BMPR1A: variants seen among roughly 807,000 people sequenced by gnomAD.
BMPR1A encodes the protein bone morphogenetic protein receptor type 1A.
A neutral mutation model predicts 66.0 loss-of-function variants in BMPR1A; 7 were observed. That is an observed-to-expected ratio of 0.11 (90% CI 0.06 to 0.20). The LOEUF is 0.20. Ranked by LOEUF, BMPR1A falls within the 10% of genes least tolerant of loss-of-function variation. The pLI is 1.00. For missense variants in BMPR1A, 408 were observed against 669.1 expected, an observed-to-expected ratio of 0.61 and a Z score of 4.31; for synonymous variants, 200 against 229.7, an observed-to-expected ratio of 0.87 and a Z score of 1.17.
chr10:86,763,371 A>G (rs1431354877), intron 1 of BMPR1A, among the ~76,000 whole-genome samples: 1 of 152,220 alleles, frequency 6.6e-6, no homozygotes, highest in East Asian at 1.9e-4. Context: ...CTGAGTACCT[A>G]TTCAATCACG....
intron 5 of BMPR1A, among the ~76,000 whole-genome samples, chr10:86,895,592 T>C (rs1843214222): frequency 6.6e-6 from 1 of 152,110 alleles, no homozygotes. Flanking sequence ...GTGATCATCA[T>C]CTTGCTTATG....
At chr10:86,796,004 T>C (rs1010278355) in intron 1 of BMPR1A, among the ~76,000 whole-genome samples, 4 of 152,146 alleles carry the variant, frequency 2.6e-5, no homozygotes, top group Non-Finnish European at 5.9e-5. Flanking sequence ...AAGGTAGTGG[T>C]AAAAAGTCCC....
intron 1 of BMPR1A, among the ~76,000 whole-genome samples, 191 bp downstream of exon 1, chr10:86,757,110 C>T (rs1847884534): frequency 6.6e-6 from 1 of 151,506 alleles, no homozygotes; most frequent in African/African-American, 2.4e-5. Flanking sequence ...CCCACGGCAC[C>T]CCGCGCCGCG....
At chr10:86,848,176 C>CT (rs1442658502) in intron 2 of BMPR1A, among the ~76,000 whole-genome samples, 1 of 152,174 alleles carries the variant, frequency 6.6e-6, no homozygotes, top group Non-Finnish European at 1.5e-5. Context: ...CAAGGCCGAA[C>CT]TGCCTTGGCC....
intron 7 of BMPR1A, among the ~76,000 whole-genome samples, chr10:86,908,140 GT>G (rs1240821329): frequency 6.6e-6 from 1 of 152,104 alleles, no homozygotes; most frequent in Non-Finnish European, 1.5e-5. Context: ...GGAGGCGGAG[GT>G]TGCAGTGAGC....
chr10:86,917,557 A>G (rs1045254537), intron 9 of BMPR1A, among the ~76,000 whole-genome samples: 2 of 152,220 alleles, frequency 1.3e-5, no homozygotes, highest in African/African-American at 4.8e-5. Flanking sequence ...AAATAATACT[A>G]GTTTATTGGA....
At chr10:86,907,747 G>T (rs143842194) in intron 7 of BMPR1A, among the ~76,000 whole-genome samples, 1 of 152,154 alleles carries the variant, frequency 6.6e-6, no homozygotes, top group African/African-American at 2.4e-5. Flanking sequence ...TCAATCATAC[G>T]TGGGAGCTAA....
chr10:86,844,622 A>G (rs1182130320), intron 2 of BMPR1A, among the ~76,000 whole-genome samples: 1 of 152,236 alleles, frequency 6.6e-6, no homozygotes, highest in East Asian at 1.9e-4. Flanking sequence ...CAATATTTAG[A>G]AACAGTCTAA....
intron 3 of BMPR1A, among the ~76,000 whole-genome samples, chr10:86,883,501 GATCACGCCACT>G (rs1843021300): frequency 4.5e-5 from 6 of 133,202 alleles, no homozygotes; most frequent in Non-Finnish European, 9.2e-5. Context: ...AGTGAGCCGA[GATCACGCCACT>G]GCACTCTAGC....
At chr10:86,806,779 G>A (rs1841894061) in intron 1 of BMPR1A, among the ~76,000 whole-genome samples, 1 of 151,786 alleles carries the variant, frequency 6.6e-6, no homozygotes, top group African/African-American at 2.4e-5. Flanking sequence ...GATACTCCTG[G>A]GCTCAAGGGA....
intron 1 of BMPR1A, among the ~76,000 whole-genome samples, chr10:86,831,216 T>C (rs1339243995): frequency 6.6e-6 from 1 of 152,252 alleles, no homozygotes; most frequent in Non-Finnish European, 1.5e-5. Flanking sequence ...ACCTTCCTTA[T>C]ACACGATGCA....
At chr10:86,895,839 G>T (rs1258505746) in intron 5 of BMPR1A, among the ~76,000 whole-genome samples, 1 of 152,072 alleles carries the variant, frequency 6.6e-6, no homozygotes, top group Non-Finnish European at 1.5e-5. Flanking sequence ...ACCAGCCTGG[G>T]CAACACGGCA....
intron 1 of BMPR1A, among the ~76,000 whole-genome samples, chr10:86,835,400 C>T (rs1842327551): frequency 6.6e-6 from 1 of 150,450 alleles, no homozygotes; most frequent in Non-Finnish European, 1.5e-5. Context: ...CGCATCTCTA[C>T]TAAAATACAA....
At chr10:86,922,640 C>T (rs1159457754) in intron 11 of BMPR1A, among the ~76,000 whole-genome samples, 3 of 152,214 alleles carry the variant, frequency 2.0e-5, no homozygotes, top group South Asian at 4.1e-4. Flanking sequence ...GGAGTCAGGG[C>T]GTGTGCTTCA....
At chr10:86,880,350 T>C (rs1842971035) in intron 3 of BMPR1A, among the ~76,000 whole-genome samples, 1 of 152,224 alleles carries the variant, frequency 6.6e-6, no homozygotes, top group African/African-American at 2.4e-5. Context: ...TCTGCTCCTT[T>C]CCCATGCTAG....
intron 7 of BMPR1A, among the ~76,000 whole-genome samples, chr10:86,904,193 T>C (rs1006503185): frequency 6.6e-6 from 1 of 152,256 alleles, no homozygotes; most frequent in Non-Finnish European, 1.5e-5. Flanking sequence ...CGTGAGCCAC[T>C]GCACTCAGCT....
At chr10:86,765,283 C>G (rs1407073735) in intron 1 of BMPR1A, among the ~76,000 whole-genome samples, 1 of 151,756 alleles carries the variant, frequency 6.6e-6, no homozygotes, top group South Asian at 2.1e-4. Context: ...GTCAGGAACT[C>G]GAGACCAGCC....
At chr10:86,902,752 C>G (rs371816720) in intron 7 of BMPR1A, among the ~76,000 whole-genome samples, 1 of 152,176 alleles carries the variant, frequency 6.6e-6, no homozygotes, top group Admixed American at 6.5e-5. Context: ...AACAGAGTTT[C>G]GGGTTGGGCA....
intron 2 of BMPR1A, among the ~76,000 whole-genome samples, chr10:86,848,485 G>A (rs549609041): frequency 3.3e-5 from 5 of 151,876 alleles, no homozygotes; most frequent in Non-Finnish European, 7.4e-5. Context: ...GACTTCCTAG[G>A]GATATTGAAC....
Sources: gnomAD v4.1 joint callset for allele counts (sites outside exome capture counted in the v4.1 genomes callset) on GRCh38, gnomAD v4.1.1 for gene constraint, MANE v1.5 for transcripts, NCBI Gene and HGNC (gene_info 2026-07-23, HGNC 2026-07-21) for gene names.